Variants in CTLA4 observed in about 807,000 individuals in gnomAD.
The protein encoded by CTLA4 is cytotoxic T-lymphocyte protein 4.
A neutral mutation model predicts 20.4 loss-of-function variants in CTLA4; 3 were observed. The ratio of observed to expected loss-of-function variants is 0.15; its 90% CI spans 0.07 to 0.38. The LOEUF (loss-of-function observed/expected upper bound fraction) is 0.38, where lower values mean the gene tolerates loss of function less well. Ranked by LOEUF, CTLA4 falls within the 10% of genes least tolerant of loss-of-function variation. The pLI, the probability that CTLA4 is intolerant of heterozygous loss-of-function variation, is 1.00. For missense variants in CTLA4, 184 were observed against 276.8 expected (o/e 0.66, Z 2.38); for synonymous variants, 100 against 105.2 (o/e 0.95, Z 0.30).
chr2:203,871,741 C>T (rs750848522), intron 3 of CTLA4, among the ~76,000 whole-genome samples: 13 of 152,266 alleles, frequency 8.5e-5, no homozygotes, highest in African/African-American at 2.2e-4. Flanking sequence ...TTTGAGTAAC[C>T]GTTGCAATAA....
At chr2:203,868,968 T>C (rs1393689279) in intron 1 of CTLA4, among the ~76,000 whole-genome samples, 1 of 152,236 alleles carries the variant, frequency 6.6e-6, no homozygotes, top group African/African-American at 2.4e-5. Flanking sequence ...TATTTTTACA[T>C]GTTTTAAATA....
At position 203,873,463 on chromosome 2, in the gene CTLA4, C is replaced by A. The variant is rs1688775441; in HGVS notation, c.*651C>A. 1 of 223,984 alleles carries A rather than the reference C, an allele frequency of 4.5e-6. No individual in the cohort carries two copies. The highest frequency in any genetic ancestry group is 8.7e-6 in the Non-Finnish European group (1 of 114,632). The allele number at this position is 223,984 out of a possible 1,614,324, so 13.9% of individuals were successfully genotyped here. A position where few individuals can be genotyped will look rare whatever the true frequency, so the allele number is the denominator to read the frequency against. ...TGGTTTGAATATAAACACTATATGG[C>A]AGTGTCTTTCCACCTTGGGTCCCAG... is the stretch of plus-strand genomic sequence containing the variant. On this transcript the variant is annotated 3_prime_UTR_variant, in exon 4 of 4. Coordinates refer to ENST00000648405, the MANE Select transcript of CTLA4 (RefSeq NM_005214.5).
At position 203,870,785 on chromosome 2, in the gene CTLA4, C is replaced by T. The variant is rs1291592984; in HGVS notation, c.309C>T (p.Cys103=). 1 of 1,614,166 alleles carries T rather than the reference C, an allele frequency of 6.2e-7. No homozygotes were observed. Among genetic ancestry groups the T allele is most frequent in the Admixed American group, 1.7e-5 (1 of 60,030 alleles). The change falls in exon 2 of 4, where the codon TGC becomes TGT. Residue 103 remains cysteine, a synonymous_variant. Transcript: ENST00000648405. This position sits in a 1 kb window ranked among gnomAD's most constrained non-coding sequence, Gnocchi z 5.3. ...TGACCTTCCTAGATGATTCCATCTG[C>T]ACGGGCACCTCCAGTGGAAATCAAG... The part of the protein sequence containing the change: ...NELTFLDDSI[C]TGTSSGNQVN...
At position 203,870,923 on chromosome 2, in the gene CTLA4, T is replaced by A; in HGVS notation, c.447T>A (p.Ile149=). ...YYLGIGNGTQ[I]YVIDPEPCPD... is the part of the protein sequence containing the mutation. The stretch of plus-strand genomic sequence containing the variant: ...TGGGCATAGGCAACGGAACCCAGAT[T>A]TATGTAATTGGTGAGCAAAGCCATT... Residue 149 remains isoleucine, a synonymous_variant, in exon 2 of 4, where the codon ATT becomes ATA. Transcript: ENST00000648405. The surrounding 1 kb of genome is among the most constrained non-coding windows in gnomAD (Gnocchi z 5.3). 6.2e-7 allele frequency: 1 copy of A among 1,612,340 alleles called. No homozygotes were observed. Among genetic ancestry groups the A allele is most frequent in the South Asian group, 1.1e-5 (1 of 91,038 alleles).
At chr2:203,868,149 C>A in intron 1 of CTLA4, 98 bp downstream of exon 1, 1 of 933,328 alleles carries the variant, frequency 1.1e-6, no homozygotes. Flanking sequence ...ATAGCAAAGC[C>A]AGAAGTTAAA....
chr2:203,871,382 A>G lies in CTLA4; in HGVS notation c.462A>G (p.Pro154=). ...GNGTQIYVID[P]EPCPDSDFLL... is the part of the protein sequence containing the mutation. The stretch of plus-strand genomic sequence containing the variant: ...CTGCTTTGTTTTCTGTTGCAGATCC[A>G]GAACCGTGCCCAGATTCTGACTTCC... Residue 154 remains proline (P), a synonymous_variant, in exon 3 of 4, where the codon CCA becomes CCG. Coordinates refer to ENST00000648405, the MANE Select transcript of CTLA4 (RefSeq NM_005214.5). 1 of 1,614,032 alleles carries G rather than the reference A, an allele frequency of 6.2e-7. No individual in the cohort carries two copies. The highest frequency in any genetic ancestry group is 8.5e-7 in the Non-Finnish European group (1 of 1,179,858).
Position 203,870,768 on chromosome 2 carries a change from C to A in CTLA4, c.292C>A (p.Leu98Ile). The A allele has an allele frequency of 6.2e-7, 1 of 1,614,178 alleles. No homozygotes were observed. The highest frequency in any genetic ancestry group is 8.5e-7 in the Non-Finnish European group (1 of 1,180,024). The change falls in exon 2 of 4, where the codon CTA becomes ATA. Residue 98 changes from leucine to isoleucine, a missense_variant. Coordinates refer to ENST00000648405, the MANE Select transcript of CTLA4 (RefSeq NM_005214.5). This position sits in a 1 kb window ranked among gnomAD's most constrained non-coding sequence, Gnocchi z 5.3. The part of the protein sequence containing the change: ...TYMMGNELTF[L>I]DDSICTGTSS... ...CATGATGGGGAATGAGTTGACCTTC[C>A]TAGATGATTCCATCTGCACGGGCAC...
chr2:203,871,186 A>T (rs917827446), intron 2 of CTLA4, among the ~76,000 whole-genome samples, 192 bp from the exon 3 acceptor site: 1 of 152,156 alleles, frequency 6.6e-6, no homozygotes, highest in Non-Finnish European at 1.5e-5. Flanking sequence ...TTTGATCTGT[A>T]CTTTTGATAT....
chr2:203,869,985 A>G (rs758080085), intron 1 of CTLA4, among the ~76,000 whole-genome samples: 14 of 152,144 alleles, frequency 9.2e-5, no homozygotes, highest in Admixed American at 2.0e-4. Flanking sequence ...CCACTCTACA[A>G]CAATGCCAGG....
chr2:203,871,021 T>A (rs868637034), intron 2 of CTLA4, 88 bp downstream of exon 2: 2 of 1,103,920 alleles, frequency 1.8e-6, no homozygotes, highest in Middle Eastern at 4.1e-4. Context: ...TTTCAGGAGG[T>A]TTACTTTTAG....
rs750841862 is a variant in CTLA4, at chr2:203,870,860, C to G, written c.384C>G (p.Ile128Met). The change falls in exon 2 of 4, where the codon ATC becomes ATG. Residue 128 changes from isoleucine (I) to methionine (M), a missense_variant. Transcript: ENST00000648405. This position sits in a 1 kb window ranked among gnomAD's most constrained non-coding sequence, Gnocchi z 5.3. ...GGGCCATGGACACGGGACTCTACAT[C>G]TGCAAGGTGGAGCTCATGTACCCAC... ...GLRAMDTGLY[I>M]CKVELMYPPP... 11 of 1,614,220 alleles carry G rather than the reference C, an allele frequency of 6.8e-6. No homozygotes were observed. Among genetic ancestry groups the G allele is most frequent in the Non-Finnish European group, 9.3e-6 (11 of 1,180,038 alleles).
chr2:203,871,374 G>A lies in CTLA4; in HGVS notation c.458-4G>A. 1 of 1,612,878 alleles carries A rather than the reference G, an allele frequency of 6.2e-7. No individual in the cohort carries two copies. The highest frequency in any genetic ancestry group is 8.5e-7 in the Non-Finnish European group (1 of 1,178,872). ...GGGAGGCTCTGCTTTGTTTTCTGTTGCAGATCCAGAACCGTGCCCAGATTC... is the reference window on the plus strand; with the variant it reads ...GGGAGGCTCTGCTTTGTTTTCTGTTACAGATCCAGAACCGTGCCCAGATTC... On this transcript the variant is annotated splice_polypyrimidine_tract_variant and splice_region_variant and intron_variant, in intron 2 of 3. Coordinates refer to ENST00000648405, the MANE Select transcript of CTLA4 (RefSeq NM_005214.5).
chr2:203,869,334 G>A (rs750224927), intron 1 of CTLA4, among the ~76,000 whole-genome samples: 22 of 152,184 alleles, frequency 1.4e-4, no homozygotes, highest in Non-Finnish European at 2.6e-4. Flanking sequence ...ATGCTCAGAG[G>A]GCATCTCTGA....
intron 1 of CTLA4, among the ~76,000 whole-genome samples, chr2:203,869,409 A>G (rs1463361801): frequency 6.6e-6 from 1 of 152,222 alleles, no homozygotes; most frequent in Non-Finnish European, 1.5e-5. Context: ...TGGAATAGAC[A>G]TGACAATGGC....
intron 1 of CTLA4, among the ~76,000 whole-genome samples, chr2:203,868,721 A>G (rs1688674647): frequency 6.6e-6 from 1 of 152,180 alleles, no homozygotes; most frequent in African/African-American, 2.4e-5. Flanking sequence ...ACAATACTTA[A>G]TTGTTGCCTG....
chr2:203,868,187 C>A, intron 1 of CTLA4, 136 bp downstream of exon 1: 1 of 685,846 alleles, frequency 1.5e-6, no homozygotes, highest in Non-Finnish European at 2.5e-6. Flanking sequence ...GCTTGGCTGG[C>A]TCTGTATTCC....
At chr2:203,872,188 C>G (rs1688745092) in intron 3 of CTLA4, among the ~76,000 whole-genome samples, 2 of 152,180 alleles carry the variant, frequency 1.3e-5, no homozygotes, top group African/African-American at 2.4e-5. Context: ...CTCCCTCTCT[C>G]CCTTCTTCTC....
Position 203,870,425 on chromosome 2 carries a change from G to A in CTLA4, c.110-161G>A. On this transcript the variant is annotated intron_variant, in intron 1 of 3. Transcript: ENST00000648405. The surrounding 1 kb of genome is among the most constrained non-coding windows in gnomAD (Gnocchi z 5.3). ...AGCTGGAAAACAGTTGAGAGATGGA[G>A]GGGAGGCTGGGGGTGTGGAGAGGGG... 1 of 639,482 alleles carries A rather than the reference G, an allele frequency of 1.6e-6. No homozygotes were observed. The highest frequency in any genetic ancestry group is 2.7e-6 in the Non-Finnish European group (1 of 372,624). 39.6% of individuals were successfully genotyped at this position (639,482 alleles called of 1,614,324 possible).
intron 1 of CTLA4, among the ~76,000 whole-genome samples, chr2:203,868,867 A>G (rs2105773618): frequency 6.6e-6 from 1 of 152,342 alleles, no homozygotes; most frequent in East Asian, 1.9e-4. Context: ...CTTCTTGGTT[A>G]AGAAACCATG....
Sources: gnomAD v4.1 joint callset for allele counts (sites outside exome capture counted in the v4.1 genomes callset) on GRCh38, gnomAD v4.1.1 for gene constraint, Gnocchi (gnomAD v3.1) non-coding constraint, MANE v1.5 for transcripts, NCBI Gene and HGNC (gene_info 2026-07-23, HGNC 2026-07-21) for gene names.